Variants in FANCI observed in about 807,000 individuals in gnomAD.
FANCI encodes the protein FA complementation group I, also known as Fanconi anemia group I protein.
Under a neutral mutation model 176.1 loss-of-function variants are expected in FANCI, and 156 were observed. The ratio of observed to expected loss-of-function variants is 0.89; its 90% CI spans 0.78 to 1.01. The LOEUF is 1.01. Ranked by LOEUF, FANCI falls within the 50% of genes least tolerant of loss-of-function variation. FANCI has a pLI of 0.00. For synonymous variants in FANCI, 613 were observed against 541.7 expected (o/e 1.13, Z -1.83); for missense variants, 1,678 against 1,534.1 (o/e 1.09, Z -1.57).
chr15:89,246,756 TTCC>T (rs1007590440), intron 1 of FANCI, among the ~76,000 whole-genome samples: 3 of 133,322 alleles, frequency 2.3e-5, no homozygotes, highest in Non-Finnish European at 4.8e-5. Context: ...TCTTTCTTTC[TTCC>T]TTTCTTTTTT....
At chr15:89,314,530 C>T in intron 35 of FANCI, 82 bp from the exon 36 acceptor site, 1 of 1,002,966 alleles carries the variant, frequency 1.0e-6, no homozygotes, top group South Asian at 1.3e-5. Flanking sequence ...TAAAGCCATA[C>T]AGTTTTGTAA....
rs529182842 is a variant in FANCI, at chr15:89,316,319, C to CT, written c.3925-70dup. On this transcript the variant is annotated intron_variant, in intron 37 of 37. Coordinates refer to ENST00000310775, the MANE Select transcript of FANCI (RefSeq NM_001113378.2). ...AAAGGCTTTGATGAGAAGATAGAGT[C>CT]TTTTTTTTCCTTCTTTTTATTTCCA... 1.8e-4 allele frequency: 249 copies of CT among 1,405,718 alleles called. 2 individuals carry two copies. In the South Asian group the frequency reaches 2.0e-3, roughly 11 times the overall value. 87.1% of individuals were successfully genotyped at this position (1,405,718 alleles called of 1,614,324 possible).
rs531553281 is a variant in FANCI, at chr15:89,253,233, G to C, written c.85-5471G>C. Among the ~76,000 whole-genome samples the C allele has an allele frequency of 5.9e-5, 9 of 152,208 alleles. 1 individual carries two copies. In the South Asian group the frequency reaches 1.9e-3, roughly 32 times the overall value. On this transcript the variant is annotated intron_variant, in intron 2 of 37. Coordinates refer to ENST00000310775, the MANE Select transcript of FANCI (RefSeq NM_001113378.2). Reference sequence around the variant, plus strand: ...AAACACTGAAATAAAGATAATCTTTGACAAATGATATTGGAACAACTGGAT... The same window carrying C: ...AAACACTGAAATAAAGATAATCTTTCACAAATGATATTGGAACAACTGGAT...
chr15:89,292,690 T>G lies in FANCI; in HGVS notation c.1995T>G (p.Asp665Glu), dbSNP rs760925670. The G allele has an allele frequency of 1.9e-6, 3 of 1,613,306 alleles. No homozygotes were observed. The highest frequency in any genetic ancestry group is 2.5e-6 in the Non-Finnish European group (3 of 1,179,830). Residue 665 changes from aspartate (D) to glutamate (E), a missense_variant and splice_region_variant, in exon 21 of 38, where the codon GAT becomes GAG. Physicochemically the swap from Asp to Glu is conservative, Grantham distance 45 (BLOSUM62 2). This residue lies in a region of FANCI where 1,204 missense variants were observed against 1,077.4 expected (regional missense o/e 1.12). Coordinates refer to ENST00000310775, the MANE Select transcript of FANCI (RefSeq NM_001113378.2). The part of the protein sequence containing the change: ...GDKISLQEPL[D>E]YLLCCIQHCL... ...AATTTACTTATTTTCTCCTACAGGA[T>G]TATCTGCTGTGTTGTATTCAGCATT...
intron 2 of FANCI, among the ~76,000 whole-genome samples, chr15:89,249,869 A>T (rs1380388235): frequency 6.6e-6 from 1 of 152,226 alleles, no homozygotes; most frequent in Non-Finnish European, 1.5e-5. Flanking sequence ...TATAAAGAAT[A>T]TTTAAAATAT....
chr15:89,286,977 CTTTT>C (rs543431700), intron 18 of FANCI, among the ~76,000 whole-genome samples: 12 of 86,048 alleles, frequency 1.4e-4, no homozygotes, highest in South Asian at 4.5e-4. Context: ...TCACCTTGCA[CTTTT>C]TTTTTTTTTT....
At chr15:89,276,444 G>A (rs1313823853) in intron 12 of FANCI, among the ~76,000 whole-genome samples, 1 of 152,170 alleles carries the variant, frequency 6.6e-6, no homozygotes, top group Non-Finnish European at 1.5e-5. Flanking sequence ...ATCTTGAATA[G>A]GAATCTTTAA....
rs1164805902 is a variant in FANCI, at chr15:89,316,380, A to G, written c.3925-17A>G. ...GCAGGTTTATCACGTTAGAGCATTA[A>G]TTCTTTCCCCTTCTAGGGCACTGCA... On this transcript the variant is annotated splice_polypyrimidine_tract_variant and intron_variant, in intron 37 of 37. Coordinates refer to ENST00000310775, the MANE Select transcript of FANCI (RefSeq NM_001113378.2). 1 of 1,608,540 alleles carries G rather than the reference A, an allele frequency of 6.2e-7. No homozygotes were observed. Among genetic ancestry groups the G allele is most frequent in the Non-Finnish European group, 8.5e-7 (1 of 1,176,758 alleles).
At chr15:89,267,939 GGATA>G (rs1037652111) in intron 9 of FANCI, among the ~76,000 whole-genome samples, 37 of 151,972 alleles carry the variant, frequency 2.4e-4, no homozygotes, top group Admixed American at 4.6e-4. Context: ...ATAAATAGAT[GGATA>G]GATAGATAGA....
At chr15:89,245,399 A>C (rs1407815944) in intron 1 of FANCI, 1 of 117,042 alleles carries the variant, frequency 8.5e-6, no homozygotes. Context: ...GGGTTTCACC[A>C]TCTTGGCCAG....
intron 25 of FANCI, 92 bp from the exon 26 acceptor site, chr15:89,300,208 C>CT (rs1162199537): frequency 5.4e-5 from 70 of 1,290,752 alleles, no homozygotes; most frequent in Middle Eastern, 1.9e-4. Context: ...TGCCTTTAGA[C>CT]TTTTTTTTGG....
chr15:89,274,631 G>T (rs1267227835), intron 12 of FANCI, among the ~76,000 whole-genome samples: 34 of 94,022 alleles, frequency 3.6e-4, no homozygotes, highest in Admixed American at 8.5e-4. Flanking sequence ...TTGAGACAGA[G>T]TCTCACTCTG....
At chr15:89,260,175 T>C (rs911815233) in intron 3 of FANCI, among the ~76,000 whole-genome samples, 9 of 152,298 alleles carry the variant, frequency 5.9e-5, no homozygotes, top group African/African-American at 2.2e-4. Context: ...GATCCAGATA[T>C]TTTAAAATGC....
At chr15:89,315,057 C>G (rs938447062) in intron 36 of FANCI, among the ~76,000 whole-genome samples, 1 of 152,106 alleles carries the variant, frequency 6.6e-6, no homozygotes. Context: ...GATCCTTCCA[C>G]CTTGGCCTCC....
At chr15:89,272,252 G>A (rs2053228248) in intron 10 of FANCI, among the ~76,000 whole-genome samples, 2 of 152,048 alleles carry the variant, frequency 1.3e-5, no homozygotes, top group East Asian at 1.9e-4. Context: ...ACCTTCTTTG[G>A]TGAAATGTCT....
At chr15:89,281,919 C>A in intron 16 of FANCI, 84 bp downstream of exon 16, 1 of 1,222,170 alleles carries the variant, frequency 8.2e-7, no homozygotes, top group Non-Finnish European at 1.2e-6. Context: ...CCTAGTACCA[C>A]CTGTTCACAG....
intron 34 of FANCI, among the ~76,000 whole-genome samples, chr15:89,311,769 G>C (rs560772570): frequency 5.3e-5 from 8 of 152,286 alleles, no homozygotes; most frequent in Admixed American, 3.3e-4. Flanking sequence ...GAGCCTCTCT[G>C]TATTTTCAGG....
At position 89,299,686 on chromosome 15, in the gene FANCI, G is replaced by T. The variant is rs1046910018; in HGVS notation, c.2637-114G>T. 4 of 1,029,880 alleles carry T rather than the reference G, an allele frequency of 3.9e-6. No homozygotes were observed. In the African/African-American group the frequency reaches 6.4e-5, roughly 16 times the overall value. 63.8% of individuals were successfully genotyped at this position (1,029,880 alleles called of 1,614,324 possible). ...GATTGTGGGGAGATTACACAACCAT[G>T]TAAGTTTTTTTAAACTTCTAGAACT... is the stretch of plus-strand genomic sequence containing the variant. On this transcript the variant is annotated intron_variant, in intron 24 of 37. Transcript: ENST00000310775.
chr15:89,305,830 G>A (rs2054697016), intron 31 of FANCI, 132 bp downstream of exon 31: 4 of 1,132,142 alleles, frequency 3.5e-6, no homozygotes, highest in Admixed American at 3.9e-5. Context: ...TTTCCTATGT[G>A]ATGAAAGAAG....
Sources: gnomAD v4.1 joint callset for allele counts (sites outside exome capture counted in the v4.1 genomes callset) on GRCh38, gnomAD v4.1.1 for gene constraint, gnomAD v4.1.1 regional missense constraint, MANE v1.5 for transcripts, NCBI Gene and HGNC (gene_info 2026-07-23, HGNC 2026-07-21) for gene names.